The following MYO7B variants were observed in gnomAD, a reference collection of about 807,000 sequenced individuals.
The protein encoded by MYO7B is unconventional myosin-VIIb.
Under a neutral mutation model 259.7 loss-of-function variants are expected in MYO7B, and 212 were observed. The observed-to-expected ratio is 0.82, with a 90% CI of 0.73 to 0.91. The LOEUF is 0.91. Ranked by LOEUF, MYO7B falls within the 40% of genes least tolerant of loss-of-function variation. The pLI, the probability that MYO7B is intolerant of heterozygous loss-of-function variation, is 0.00. For missense variants in MYO7B, 2,732 were observed against 2,813.5 expected (o/e 0.97, Z 0.66); for synonymous variants, 1,197 against 1,166.4 (o/e 1.03, Z -0.54).
At chr2:127,606,527 T>C (rs750507636) in intron 20 of MYO7B, among the ~76,000 whole-genome samples, 1 of 152,242 alleles carries the variant, frequency 6.6e-6, no homozygotes, top group Non-Finnish European at 1.5e-5. Flanking sequence ...TTGCTTCGCA[T>C]ACATCATTTT....
chr2:127,567,410 G>A (rs948308630), intron 5 of MYO7B, among the ~76,000 whole-genome samples: 1 of 152,128 alleles, frequency 6.6e-6, no homozygotes, highest in Non-Finnish European at 1.5e-5. Flanking sequence ...CAGAAGGAAA[G>A]TGTCCCCTCC....
intron 1 of MYO7B, among the ~76,000 whole-genome samples, chr2:127,548,419 CTT>C (rs796457298): frequency 1.5e-4 from 21 of 136,588 alleles, no homozygotes; most frequent in Admixed American, 2.9e-4. Flanking sequence ...TTAGATTTTT[CTT>C]TTTTTTTTTT....
At position 127,590,282 on chromosome 2, in the gene MYO7B, G is replaced by T. The variant is rs1679508871; in HGVS notation, c.1992+53G>T. On this transcript the variant is annotated intron_variant, in intron 16 of 47. Transcript: ENST00000409816. This position sits in a 1 kb window ranked among gnomAD's most constrained non-coding sequence, Gnocchi z 4.6. ...AAGGAGGGAGGAGGAGGAGGCTGAT[G>T]GCCTCTAGGGTTGTGGTCACTCCCT... 3 of 1,610,342 alleles carry T rather than the reference G, an allele frequency of 1.9e-6. No individual in the cohort carries two copies. In the East Asian group the frequency reaches 6.7e-5, roughly 36 times the overall value.
At position 127,609,757 on chromosome 2, in the gene MYO7B, G is replaced by A. The variant is rs756463729; in HGVS notation, c.3024+42G>A. The A allele has an allele frequency of 6.2e-6, 10 of 1,612,430 alleles. No homozygotes were observed. The highest frequency in any genetic ancestry group is 2.7e-5 in the African/African-American group (2 of 74,996). Reference sequence around the variant, plus strand: ...GCTTCTAGTGGATCAGGCCAGCCCCGAGCCTGGGGTGTGAGCTATGGCTCG... The same window carrying A: ...GCTTCTAGTGGATCAGGCCAGCCCCAAGCCTGGGGTGTGAGCTATGGCTCG... On this transcript the variant is annotated intron_variant, in intron 23 of 47. Transcript: ENST00000409816. This position sits in a 1 kb window ranked among gnomAD's most constrained non-coding sequence, Gnocchi z 6.9.
Position 127,633,347 on chromosome 2 carries a change from C to T in MYO7B, c.5495C>T (p.Pro1832Leu). Residue 1832 changes from proline (P) to leucine (L), a missense_variant, in exon 40 of 48, where the codon CCC (proline) becomes CTC (leucine). Pro to Leu is a moderately conservative substitution (Grantham distance 98). Transcript: ENST00000409816. Reference sequence around the variant, plus strand: ...CGCATCTGCCACAAGATCTACTTCCCCAATGACACCAGTGAGGTGAGGCCC... The same window carrying T: ...CGCATCTGCCACAAGATCTACTTCCTCAATGACACCAGTGAGGTGAGGCCC... ...VSRICHKIYF[P>L]NDTSEMLEVV... 2 of 1,612,954 alleles carry T rather than the reference C, an allele frequency of 1.2e-6. No homozygotes were observed. The highest frequency in any genetic ancestry group is 1.7e-6 in the Non-Finnish European group (2 of 1,179,734).
intron 31 of MYO7B, 67 bp from the exon 32 acceptor site, chr2:127,626,908 G>A: frequency 1.4e-6 from 2 of 1,398,324 alleles, no homozygotes; most frequent in African/African-American, 1.4e-5. Flanking sequence ...CTTTTACCCT[G>A]AGCACTAGGT....
chr2:127,633,214 A>G (rs1380612421), intron 39 of MYO7B, 44 bp from the exon 40 acceptor site: 2 of 1,470,580 alleles, frequency 1.4e-6, no homozygotes, highest in Admixed American at 1.9e-5. Context: ...ATGGGTGAGG[A>G]TGAGGGTGGG....
chr2:127,600,579 A>G (rs943642910), intron 19 of MYO7B, among the ~76,000 whole-genome samples: 1 of 152,294 alleles, frequency 6.6e-6, no homozygotes. Context: ...GTATGGTGGC[A>G]GGCGCTTGTA....
chr2:127,541,746 C>T (rs1282704028), intron 1 of MYO7B, among the ~76,000 whole-genome samples: 1 of 152,192 alleles, frequency 6.6e-6, no homozygotes, highest in Non-Finnish European at 1.5e-5. Context: ...CCCATATTTC[C>T]CCTCTGATAG....
intron 3 of MYO7B, 46 bp downstream of exon 3, chr2:127,564,312 C>T (rs373065697): frequency 3.7e-5 from 54 of 1,454,172 alleles, no homozygotes; most frequent in Non-Finnish European, 4.9e-5. Context: ...GCCCTCACAT[C>T]CAGGGCCCTG....
intron 35 of MYO7B, among the ~76,000 whole-genome samples, 198 bp downstream of exon 35, chr2:127,630,024 T>A (rs1321984298): frequency 6.6e-6 from 1 of 152,172 alleles, no homozygotes; most frequent in African/African-American, 2.4e-5. Flanking sequence ...ACTTAGTAGG[T>A]CCTCAATAAA....
chr2:127,620,091 C>T (rs1159930275), intron 26 of MYO7B: 1 of 336,192 alleles, frequency 3.0e-6, no homozygotes. Context: ...GGAGAACCTG[C>T]TGCTTCCTGA....
In MYO7B at chr2:127,634,307, TGGGCAGACGGTGGGC is replaced by T; in HGVS notation, c.5625+21_5625+35del. The T allele has an allele frequency of 6.5e-7, 1 of 1,538,442 alleles. No homozygotes were observed. The highest frequency in any genetic ancestry group is 8.8e-7 in the Non-Finnish European group (1 of 1,139,922). On this transcript the variant is annotated intron_variant, in intron 41 of 47. Coordinates refer to ENST00000409816, the MANE Select transcript of MYO7B (RefSeq NM_001393586.1). ...CAGACAAGGTGGGCCGGGCTGGGGC[TGGGCAGACGGTGGGC>T]GGACGGGCAGTGAGCGAGGCCCTAG...
intron 15 of MYO7B, among the ~76,000 whole-genome samples, chr2:127,589,210 G>T: frequency 6.8e-6 from 1 of 147,598 alleles, no homozygotes; most frequent in Non-Finnish European, 1.5e-5. Flanking sequence ...TGGGTGGATG[G>T]GTGAGTGGGT....
In MYO7B at chr2:127,613,245, T is replaced by C. The variant is rs535733740; in HGVS notation, c.3398+642T>C. 4.6e-5 allele frequency among the ~76,000 whole-genome samples: 7 copies of C among 152,362 alleles called. No homozygotes were observed. The East Asian group carries it at 1.3e-3, about 29-fold the overall frequency. On this transcript the variant is annotated intron_variant, in intron 26 of 47. Coordinates refer to ENST00000409816, the MANE Select transcript of MYO7B (RefSeq NM_001393586.1). The surrounding 1 kb of genome is among the most constrained non-coding windows in gnomAD (Gnocchi z 4.3). ...TCTTTTATATTGTTCTTCAGGTACC[T>C]AGGGGTCTGCTTATCTTTTCTTTCT...
chr2:127,600,822 C>G (rs1573676135), intron 19 of MYO7B, among the ~76,000 whole-genome samples: 1 of 152,148 alleles, frequency 6.6e-6, no homozygotes, highest in African/African-American at 2.4e-5. Flanking sequence ...TTAATTTCTG[C>G]TCTTTTATTA....
At position 127,611,575 on chromosome 2, in the gene MYO7B, C is replaced by A. The variant is rs1229804902; in HGVS notation, c.3193-675C>A. On this transcript the variant is annotated intron_variant, in intron 24 of 47. Transcript: ENST00000409816. This position sits in a 1 kb window ranked among gnomAD's most constrained non-coding sequence, Gnocchi z 5.4. ...GCCAGCTCATGTGTTTCATGGCCAG[C>A]CCCTGCACGGTAAACCAGCTTTGAC... Among the ~76,000 whole-genome samples the A allele has an allele frequency of 6.6e-6, 1 of 152,228 alleles. No homozygotes were observed. The highest frequency in any genetic ancestry group is 1.5e-5 in the Non-Finnish European group (1 of 68,038).
At chr2:127,568,415 G>A (rs1678447293) in intron 5 of MYO7B, among the ~76,000 whole-genome samples, 1 of 152,178 alleles carries the variant, frequency 6.6e-6, no homozygotes, top group African/African-American at 2.4e-5. Context: ...CTCCCCCAGG[G>A]CTGTGGGCAA....
rs1211832689 is a variant in MYO7B at position 127,611,054 on chromosome 2, G to T, written c.3192+1038G>T. ...TCCCTCATGAGGTTGCTGTCAAGCT[G>T]TCCCCTGGGGATGGTGTCATCTGAA... On this transcript the variant is annotated intron_variant, in intron 24 of 47. Transcript: ENST00000409816. This position sits in a 1 kb window ranked among gnomAD's most constrained non-coding sequence, Gnocchi z 5.4. 6.6e-6 allele frequency among the ~76,000 whole-genome samples: 1 copy of T among 152,244 alleles called. No homozygotes were observed. The highest frequency in any genetic ancestry group is 1.5e-5 in the Non-Finnish European group (1 of 68,050).
Sources: gnomAD v4.1 joint callset for allele counts (sites outside exome capture counted in the v4.1 genomes callset) on GRCh38, gnomAD v4.1.1 for gene constraint, Gnocchi (gnomAD v3.1) non-coding constraint, MANE v1.5 for transcripts, NCBI Gene and HGNC (gene_info 2026-07-23, HGNC 2026-07-21) for gene names.